PCDHGA5: variants seen among roughly 807,000 people sequenced by gnomAD.
PCDHGA5 encodes the protein protocadherin gamma subfamily A, 5.
Under a neutral mutation model 56.7 loss-of-function variants are expected in PCDHGA5, and 36 were observed. That is an observed-to-expected ratio of 0.64 (90% CI 0.49 to 0.84). The LOEUF (loss-of-function observed/expected upper bound fraction) is 0.84. PCDHGA5 is among the 40% of genes least tolerant of loss of function. The pLI, the probability that PCDHGA5 is intolerant of heterozygous loss-of-function variation, is 0.00. For synonymous variants in PCDHGA5, 563 were observed against 520.2 expected (o/e 1.08, Z -1.12); for missense variants, 1,305 against 1,201.5 (o/e 1.09, Z -1.27).
Position 141,425,952 on chromosome 5 carries a change from T to C in PCDHGA5, c.2421+59201T>C, listed in dbSNP as rs1047436598. 3.9e-5 allele frequency among the ~76,000 whole-genome samples: 6 copies of C among 152,364 alleles called. No individual in the cohort carries two copies. In the South Asian group the frequency reaches 8.3e-4, roughly 21 times the overall value. ...ATAAAATGTCTAGTTTCCTATACATTAGTCCAACACATCAGTCTAATTCTG... is the reference window on the plus strand; with the variant it reads ...ATAAAATGTCTAGTTTCCTATACATCAGTCCAACACATCAGTCTAATTCTG... On this transcript the variant is annotated intron_variant, in intron 1 of 3. Coordinates refer to ENST00000518069, the MANE Select transcript of PCDHGA5 (RefSeq NM_018918.3).
At position 141,486,478 on chromosome 5, in the gene PCDHGA5, C is replaced by T; in HGVS notation, c.2422-8329C>T. The T allele has an allele frequency of 2.5e-6, 4 of 1,614,026 alleles. No homozygotes were observed. The highest frequency in any genetic ancestry group is 3.4e-6 in the Non-Finnish European group (4 of 1,179,854). On this transcript the variant is annotated intron_variant, in intron 1 of 3. Transcript: ENST00000518069. The surrounding 1 kb of genome is among the most constrained non-coding windows in gnomAD (Gnocchi z 5.0). ...CTTCTGATGCTGGGAACCCTCCTCT[C>T]AGTACCCACAGAACTATTTTCCTCA...
At chr5:141,510,158 A>G (rs1406170246) in intron 3 of PCDHGA5, among the ~76,000 whole-genome samples, 1 of 152,018 alleles carries the variant, frequency 6.6e-6, no homozygotes, top group African/African-American at 2.4e-5. Flanking sequence ...CTGTAATCTC[A>G]GCTACTCAGG....
intron 1 of PCDHGA5, chr5:141,377,576 A>G (rs1241799520): frequency 1.3e-5 from 2 of 151,642 alleles, no homozygotes; most frequent in African/African-American, 2.4e-5. Context: ...AGCCTGGGAG[A>G]CAGAATGAGA....
chr5:141,466,085 G>T (rs1028177123), intron 1 of PCDHGA5, among the ~76,000 whole-genome samples: 2 of 151,984 alleles, frequency 1.3e-5, no homozygotes, highest in African/African-American at 4.8e-5. Flanking sequence ...TCATGCCACT[G>T]CACTCCAGCC....
chr5:141,420,229 C>A (rs1206296211), intron 1 of PCDHGA5: 1 of 1,600,344 alleles, frequency 6.2e-7, no homozygotes, highest in South Asian at 1.1e-5. Flanking sequence ...TACTGGCTAG[C>A]ATTTTAACTC....
intron 1 of PCDHGA5, chr5:141,371,305 T>G: frequency 6.2e-7 from 1 of 1,613,940 alleles, no homozygotes; most frequent in Non-Finnish European, 8.5e-7. Context: ...CTCACCACTA[T>G]TGGAGAACTG....
chr5:141,463,532 T>C (rs1237301892), intron 1 of PCDHGA5, among the ~76,000 whole-genome samples: 2 of 133,692 alleles, frequency 1.5e-5, no homozygotes, highest in Non-Finnish European at 3.1e-5. Flanking sequence ...TACTAGAAAC[T>C]CCGGCTCCCG....
intron 1 of PCDHGA5, chr5:141,484,946 C>T (rs2154580274): frequency 3.6e-6 from 2 of 561,448 alleles, no homozygotes; most frequent in Non-Finnish European, 6.4e-6. Flanking sequence ...CTCTGCTCAG[C>T]CTATTGGCTG....
intron 1 of PCDHGA5, among the ~76,000 whole-genome samples, chr5:141,474,062 C>G (rs745636246): frequency 6.6e-6 from 1 of 152,104 alleles, no homozygotes; most frequent in Non-Finnish European, 1.5e-5. Flanking sequence ...AGAGCGAGAT[C>G]CTGCCTCAGA....
intron 1 of PCDHGA5, chr5:141,478,813 A>G (rs2099478658): frequency 4.8e-6 from 7 of 1,453,346 alleles, no homozygotes; most frequent in Non-Finnish European, 6.3e-6. Context: ...TGCTATCACA[A>G]CTAACCAATC....
chr5:141,366,210 G>T lies in PCDHGA5; in HGVS notation c.1880G>T (p.Arg627Leu), dbSNP rs374658125. The T allele has an allele frequency of 4.5e-5, 73 of 1,613,682 alleles. No individual in the cohort carries two copies. Among genetic ancestry groups the T allele is most frequent in the Non-Finnish European group, 6.2e-5 (73 of 1,180,044 alleles). The part of the protein sequence containing the change: ...FAVGLHTGEV[R>L]TARALLDRDA... The stretch of plus-strand genomic sequence containing the variant: ...GTTGGGCTGCACACGGGCGAGGTGC[G>T]CACAGCGCGAGCCCTGCTGGACAGA... The change falls in exon 1 of 4, where the codon CGC becomes CTC. Residue 627 changes from arginine (R) to leucine (L), a missense_variant. Coordinates refer to ENST00000518069, the MANE Select transcript of PCDHGA5 (RefSeq NM_018918.3).
At chr5:141,401,599 G>A (rs368569328) in intron 1 of PCDHGA5, among the ~76,000 whole-genome samples, 22 of 152,278 alleles carry the variant, frequency 1.4e-4, no homozygotes, top group African/African-American at 4.8e-4. Context: ...CTTGAAGAAG[G>A]GGAAAAAGAC....
At chr5:141,418,744 T>C in intron 1 of PCDHGA5, 1 of 1,613,936 alleles carries the variant, frequency 6.2e-7, no homozygotes, top group Non-Finnish European at 8.5e-7. Context: ...TCTCTCTGGA[T>C]TACACTACAG....
chr5:141,383,350 C>CG (rs766222030), intron 1 of PCDHGA5: 7 of 1,613,870 alleles, frequency 4.3e-6, no homozygotes, highest in Non-Finnish European at 5.9e-6. Context: ...TCCTGGGGTT[C>CG]GGTTTCCGTT....
intron 1 of PCDHGA5, among the ~76,000 whole-genome samples, chr5:141,483,648 T>TTGTGTGTG (rs111458813): frequency 0.019 from 2,886 of 149,692 alleles, 51 homozygotes; most frequent in African/African-American, 0.054. Flanking sequence ...GGGTGTGTGT[T>TTGTGTGTG]TGTGTGTGTG....
intron 1 of PCDHGA5, among the ~76,000 whole-genome samples, chr5:141,456,679 T>C (rs1357662868): frequency 2.0e-5 from 3 of 152,104 alleles, no homozygotes; most frequent in Non-Finnish European, 2.9e-5. Flanking sequence ...AAAAATGCAT[T>C]ACTGGCCAGG....
rs1254438724 is a variant in PCDHGA5 at position 141,389,817 on chromosome 5, C to T, written c.2421+23066C>T. 17 of 1,613,870 alleles carry T rather than the reference C, an allele frequency of 1.1e-5. No homozygotes were observed. Among genetic ancestry groups the T allele is most frequent in the Non-Finnish European group, 1.4e-5 (16 of 1,179,892 alleles). On this transcript the variant is annotated intron_variant, in intron 1 of 3. Transcript: ENST00000518069. ...CCGCCAGCGCCTTCTGGTCGCCGTG[C>T]GTGACGGTGGACAGCCACCACTCTC...
chr5:141,401,320 C>A (rs1420214369), intron 1 of PCDHGA5, among the ~76,000 whole-genome samples: 1 of 151,626 alleles, frequency 6.6e-6, no homozygotes, highest in East Asian at 1.9e-4. Flanking sequence ...CCAGCCTGGG[C>A]AACAAGAGCA....
intron 1 of PCDHGA5, among the ~76,000 whole-genome samples, chr5:141,461,644 A>C (rs1266858748): frequency 1.3e-5 from 2 of 151,868 alleles, no homozygotes; most frequent in Non-Finnish European, 2.9e-5. Flanking sequence ...TTCTTCTTTG[A>C]CCCATGGATT....
Sources: allele counts gnomAD v4.1 joint callset (sites outside exome capture counted in the v4.1 genomes callset), GRCh38; gene constraint gnomAD v4.1.1; non-coding constraint Gnocchi (gnomAD v3.1); transcripts MANE v1.5; gene names NCBI Gene and HGNC (gene_info 2026-07-23, HGNC 2026-07-21).